PFDN1: variants seen among roughly 807,000 people sequenced by gnomAD.
The protein encoded by PFDN1 is prefoldin 1.
PFDN1 carries 6 observed loss-of-function variants against 17.3 expected under a neutral mutation model. The observed-to-expected ratio is 0.35, with a 90% CI of 0.19 to 0.69. The LOEUF is 0.69. Among genes scored for constraint, PFDN1 ranks in the 30% least tolerant of loss-of-function variants. The probability of loss-of-function intolerance (pLI) is 0.65; values close to 1 mark genes in which losing one functional copy is unlikely to be tolerated. For synonymous variants in PFDN1, 58 were observed against 50.1 expected (o/e 1.16, Z -0.67); for missense variants, 113 against 146.2 (o/e 0.77, Z 1.17).
At chr5:140,284,222 G>A (rs373955012) in intron 2 of PFDN1, among the ~76,000 whole-genome samples, 3 of 152,282 alleles carry the variant, frequency 2.0e-5, no homozygotes, top group South Asian at 2.1e-4. Flanking sequence ...AGATTCCACC[G>A]AAGCTGGCCA....
chr5:140,280,014 C>CCAAAAAAAAAAAAAA lies in PFDN1; in HGVS notation c.285+1434_285+1435insTTTTTTTTTTTTTTG, dbSNP rs1335205089. Among the ~76,000 whole-genome samples the CCAAAAAAAAAAAAAA allele has an allele frequency of 4.6e-3, 455 of 98,974 alleles. 30 individuals are homozygous for CCAAAAAAAAAAAAAA. The highest frequency in any genetic ancestry group is 0.021 in the African/African-American group (409 of 19,822). 64.9% of individuals were successfully genotyped at this position (98,974 alleles called of 152,430 possible). A position where few individuals can be genotyped will look rare whatever the true frequency, so the allele number is the denominator to read the frequency against. ...CCGTCTCAAAAAAAAAAAAAAAAAACAAAAAAAGAAAAGAAAAGAAAAGAA... is the reference window on the plus strand; with the variant it reads ...CCGTCTCAAAAAAAAAAAAAAAAAACCAAAAAAAAAAAAAAAAAAAAAGAAAAGAAAAGAAAAGAA... On this transcript the variant is annotated intron_variant, in intron 3 of 3. Transcript: ENST00000261813.
chr5:140,273,811 A>G (rs1765248797), intron 3 of PFDN1: 5 of 588,960 alleles, frequency 8.5e-6, no homozygotes, highest in Non-Finnish European at 1.1e-5. Flanking sequence ...GGGTGGTGAA[A>G]GGGGTGGTAA....
chr5:140,264,744 C>G (rs1339864075), intron 3 of PFDN1, among the ~76,000 whole-genome samples: 11 of 152,026 alleles, frequency 7.2e-5, no homozygotes, highest in Admixed American at 1.3e-4. Flanking sequence ...ACTGAGGAGA[C>G]TGAAGTAGGA....
chr5:140,286,046 T>A (rs1765482875), intron 2 of PFDN1, among the ~76,000 whole-genome samples: 1 of 151,978 alleles, frequency 6.6e-6, no homozygotes, highest in South Asian at 2.1e-4. Flanking sequence ...TAAAAAAAAA[T>A]ATTTTTTTTA....
rs149589753 is a variant in PFDN1, at chr5:140,248,138, G to A, written c.286-2081C>T. 4.1e-4 allele frequency among the ~76,000 whole-genome samples: 61 copies of A among 148,026 alleles called. No individual in the cohort carries two copies. The East Asian group carries it at 0.012, about 29-fold the overall frequency. On this transcript the variant is annotated intron_variant, in intron 3 of 3. Coordinates refer to ENST00000261813, the MANE Select transcript of PFDN1 (RefSeq NM_002622.5). ...GGCTGGAGTGCAATGGCGCCATCTC[G>A]GCTCACTGCAACCTCCGCCTCCCGG...
intron 3 of PFDN1, among the ~76,000 whole-genome samples, chr5:140,256,978 G>A (rs539663050): frequency 6.6e-6 from 1 of 152,094 alleles, no homozygotes; most frequent in South Asian, 2.1e-4. Flanking sequence ...CCTGCACTTC[G>A]GGAGGTTGAG....
Position 140,263,201 on chromosome 5 carries a change from T to G in PFDN1, c.286-17144A>C, listed in dbSNP as rs377626362. 2.0e-4 allele frequency among the ~76,000 whole-genome samples: 30 copies of G among 152,358 alleles called. No individual in the cohort carries two copies. In the East Asian group the frequency reaches 5.0e-3, roughly 25 times the overall value. ...AAGAACAAAGGGGCTCGGCCCCTTC[T>G]GCTCTGCCAGAAGCTGCTTGCTTGC... On this transcript the variant is annotated intron_variant, in intron 3 of 3. Transcript: ENST00000261813.
intron 3 of PFDN1, among the ~76,000 whole-genome samples, chr5:140,260,599 C>T (rs1765051471): frequency 6.7e-6 from 1 of 149,268 alleles, no homozygotes; most frequent in African/African-American, 2.5e-5. Flanking sequence ...CAGAAAGCTA[C>T]ATACTAGATG....
At chr5:140,247,961 G>C (rs1184298820) in intron 3 of PFDN1, among the ~76,000 whole-genome samples, 1 of 152,090 alleles carries the variant, frequency 6.6e-6, no homozygotes, top group Non-Finnish European at 1.5e-5. Context: ...TCAATCCAAT[G>C]CCTGCAAATG....
rs753096992 is a variant in PFDN1 at position 140,245,654 on chromosome 5, A to C, written c.*320T>G. ...TAGCAGAGTGGGACAGACGCTTTTT[A>C]TTGGTCTGGCTGGCGTGCCTAGTGG... On this transcript the variant is annotated 3_prime_UTR_variant, in exon 4 of 4. Coordinates refer to ENST00000261813, the MANE Select transcript of PFDN1 (RefSeq NM_002622.5). 4 of 676,652 alleles carry C rather than the reference A, an allele frequency of 5.9e-6. No homozygotes were observed. Among genetic ancestry groups the C allele is most frequent in the African/African-American group, 3.6e-5 (2 of 56,112 alleles). 41.9% of individuals were successfully genotyped at this position (676,652 alleles called of 1,614,324 possible). A position where few individuals can be genotyped will look rare whatever the true frequency, so the allele number is the denominator to read the frequency against.
chr5:140,301,472 A>G (rs1765745284), intron 1 of PFDN1, among the ~76,000 whole-genome samples: 1 of 152,162 alleles, frequency 6.6e-6, no homozygotes, highest in Admixed American at 6.5e-5. Context: ...TGTGACTGCA[A>G]TGCACAGCAA....
intron 2 of PFDN1, among the ~76,000 whole-genome samples, chr5:140,299,612 T>G (rs895412020): frequency 6.7e-6 from 1 of 148,884 alleles, no homozygotes; most frequent in African/African-American, 2.5e-5. Flanking sequence ...AAAAAAAAAA[T>G]GTACTTTAAA....
chr5:140,269,307 C>T (rs1338698286), intron 3 of PFDN1, among the ~76,000 whole-genome samples: 2 of 152,024 alleles, frequency 1.3e-5, no homozygotes, highest in African/African-American at 4.8e-5. Flanking sequence ...GCCACAGCAC[C>T]CAGCCTTATA....
chr5:140,250,452 T>G (rs1764896885), intron 3 of PFDN1, among the ~76,000 whole-genome samples: 1 of 148,462 alleles, frequency 6.7e-6, no homozygotes, highest in South Asian at 2.2e-4. Flanking sequence ...CTGCGAGGCC[T>G]TCTTGAGTAC....
At chr5:140,275,306 G>A (rs1272151041) in intron 3 of PFDN1, among the ~76,000 whole-genome samples, 4 of 151,900 alleles carry the variant, frequency 2.6e-5, no homozygotes, top group Non-Finnish European at 5.9e-5. Context: ...CTACTCGGGA[G>A]GCTGAAGCAG....
intron 1 of PFDN1, 27 bp from the exon 2 acceptor site, chr5:140,300,609 T>A: frequency 6.6e-7 from 1 of 1,510,370 alleles, no homozygotes; most frequent in Non-Finnish European, 9.0e-7. Flanking sequence ...CATGATTTAG[T>A]AGGTAAAACA....
chr5:140,299,278 T>C (rs1765700184), intron 2 of PFDN1, among the ~76,000 whole-genome samples: 1 of 152,108 alleles, frequency 6.6e-6, no homozygotes, highest in South Asian at 2.1e-4. Flanking sequence ...AAGTACCTAA[T>C]CATAGACAGA....
Position 140,263,939 on chromosome 5 carries a change from T to C in PFDN1, c.285+17510A>G, listed in dbSNP as rs1218941502. ...AGGAGGCTGAAGCAGGAGAATGGCG[T>C]GAACCCGGGAGGTGGAGCTTGCAGT... On this transcript the variant is annotated intron_variant, in intron 3 of 3. Transcript: ENST00000261813. 1.4e-4 allele frequency among the ~76,000 whole-genome samples: 20 copies of C among 140,128 alleles called. No homozygotes were observed. The East Asian group carries it at 4.2e-3, about 29-fold the overall frequency. The allele number at this position is 140,128 out of a possible 152,430, so 91.9% of individuals were successfully genotyped here.
chr5:140,265,349 A>G (rs1268541720), intron 3 of PFDN1, among the ~76,000 whole-genome samples: 4 of 152,294 alleles, frequency 2.6e-5, no homozygotes, highest in South Asian at 4.1e-4. Context: ...TGGTCCTGCT[A>G]CAGTGACCCA....
Sources: gnomAD v4.1 joint callset for allele counts (sites outside exome capture counted in the v4.1 genomes callset) on GRCh38, gnomAD v4.1.1 for gene constraint, MANE v1.5 for transcripts, NCBI Gene and HGNC (gene_info 2026-07-23, HGNC 2026-07-21) for gene names.